Variants in GOLGA7 observed in about 807,000 individuals in gnomAD.
GOLGA7 encodes golgin subfamily A member 7.
A neutral mutation model predicts 21.1 loss-of-function variants in GOLGA7; 10 were observed. The observed-to-expected ratio is 0.47, with a 90% CI of 0.29 to 0.80. The LOEUF is 0.80. Ranked by LOEUF, GOLGA7 falls within the 30% of genes least tolerant of loss-of-function variation. The pLI, the probability that GOLGA7 is intolerant of heterozygous loss-of-function variation, is 0.08. For missense variants in GOLGA7, 114 were observed against 166.8 expected, an observed-to-expected ratio of 0.68 and a Z score of 1.74; for synonymous variants, 64 against 62.6, an observed-to-expected ratio of 1.02 and a Z score of -0.10.
At chr8:41,509,230 A>G (rs1045890850) in intron 4 of GOLGA7, among the ~76,000 whole-genome samples, 2 of 152,232 alleles carry the variant, frequency 1.3e-5, no homozygotes, top group Non-Finnish European at 2.9e-5. Flanking sequence ...AATCATCACA[A>G]CAACCCTATG....
chr8:41,500,225 C>T (rs1463946037), intron 2 of GOLGA7, among the ~76,000 whole-genome samples: 2 of 152,156 alleles, frequency 1.3e-5, no homozygotes, highest in Non-Finnish European at 2.9e-5. Flanking sequence ...ATGATAAGTG[C>T]CTTGAAGGAA....
Position 41,490,782 on chromosome 8 carries a change from G to A in GOLGA7, c.-73G>A, listed in dbSNP as rs550090303. The A allele has an allele frequency of 1.2e-6, 1 of 806,786 alleles. No homozygotes were observed. The allele number at this position is 806,786 out of a possible 1,614,324, so 50.0% of individuals were successfully genotyped here. ...CGAGGGGCTGGCGGGTCAGAGTCCCGGGTCCAGGCCGGGGCTCTGACTCGC... is the reference window on the plus strand; with the variant it reads ...CGAGGGGCTGGCGGGTCAGAGTCCCAGGTCCAGGCCGGGGCTCTGACTCGC... On this transcript the variant is annotated 5_prime_UTR_variant, in exon 1 of 5. Transcript: ENST00000357743.
At chr8:41,503,378 T>C (rs1806197493) in intron 2 of GOLGA7, among the ~76,000 whole-genome samples, 2 of 132,636 alleles carry the variant, frequency 1.5e-5, no homozygotes, top group Non-Finnish European at 3.1e-5. Context: ...TTCACTCTGA[T>C]GGTAGTTTCT....
intron 1 of GOLGA7, 57 bp from the exon 2 acceptor site, chr8:41,497,452 G>A: frequency 1.1e-6 from 1 of 878,630 alleles, no homozygotes. Context: ...ATGATAGCAT[G>A]CATTAGTTGA....
At chr8:41,494,175 A>G (rs1273929512) in intron 1 of GOLGA7, among the ~76,000 whole-genome samples, 1 of 152,210 alleles carries the variant, frequency 6.6e-6, no homozygotes, top group Non-Finnish European at 1.5e-5. Context: ...AATAACGCAT[A>G]AGAATTAAGT....
At chr8:41,501,053 T>C (rs1806138268) in intron 2 of GOLGA7, among the ~76,000 whole-genome samples, 1 of 152,228 alleles carries the variant, frequency 6.6e-6, no homozygotes. Flanking sequence ...TAGTGAAGTA[T>C]TAAAAGGCTT....
chr8:41,494,048 C>T (rs1805948622), intron 1 of GOLGA7, among the ~76,000 whole-genome samples: 1 of 152,170 alleles, frequency 6.6e-6, no homozygotes, highest in African/African-American at 2.4e-5. Flanking sequence ...AACTTGTTGG[C>T]ATTTACTTTT....
At chr8:41,497,750 C>G (rs1432238758) in intron 2 of GOLGA7, 89 bp downstream of exon 2, 6 of 697,146 alleles carry the variant, frequency 8.6e-6, no homozygotes, top group Non-Finnish European at 1.3e-5. Flanking sequence ...GTGATAGTTG[C>G]CGTAAAATAT....
chr8:41,498,145 G>GA (rs1806065074), intron 2 of GOLGA7, among the ~76,000 whole-genome samples: 1 of 152,126 alleles, frequency 6.6e-6, no homozygotes, highest in Non-Finnish European at 1.5e-5. Flanking sequence ...GAAGAAGAGG[G>GA]AAAAATTAAT....
chr8:41,501,201 G>A (rs780381967), intron 2 of GOLGA7, among the ~76,000 whole-genome samples: 3 of 151,980 alleles, frequency 2.0e-5, no homozygotes, highest in Admixed American at 6.6e-5. Context: ...ATGAGATCTT[G>A]GACAAATTAA....
At position 41,497,577 on chromosome 8, in the gene GOLGA7, C is replaced by G; in HGVS notation, c.180C>G (p.Leu60=). 2 of 1,587,020 alleles carry G rather than the reference C, an allele frequency of 1.3e-6. No homozygotes were observed. The highest frequency in any genetic ancestry group is 1.7e-6 in the Non-Finnish European group (2 of 1,155,618). ...LNNLYAEAEK[L]GGQSYLEGCL... is the part of the protein sequence containing the mutation. ...ACCTTTATGCAGAAGCAGAGAAGCT[C>G]GGCGGCCAGTCATATCTCGAAGGTT... Residue 60 remains leucine, a synonymous_variant, in exon 2 of 5, where the codon CTC becomes CTG. Coordinates refer to ENST00000357743, the MANE Select transcript of GOLGA7 (RefSeq NM_001002296.2).
At chr8:41,499,200 G>A (rs1563417116) in intron 2 of GOLGA7, among the ~76,000 whole-genome samples, 1 of 152,160 alleles carries the variant, frequency 6.6e-6, no homozygotes, top group African/African-American at 2.4e-5. Flanking sequence ...ACCTCTAGGA[G>A]AGCATACAGA....
At chr8:41,497,447 A>C in intron 1 of GOLGA7, 62 bp from the exon 2 acceptor site, 99 of 803,248 alleles carry the variant, frequency 1.2e-4, no homozygotes, top group Non-Finnish European at 1.9e-4. Context: ...AATTAATGAT[A>C]GCATGCATTA....
intron 2 of GOLGA7, among the ~76,000 whole-genome samples, chr8:41,498,227 C>CT (rs1388012109): frequency 1.3e-5 from 2 of 152,200 alleles, no homozygotes; most frequent in Non-Finnish European, 2.9e-5. Context: ...TGCCACTATC[C>CT]TGGGTTATGC....
chr8:41,491,100 C>G, intron 1 of GOLGA7, 135 bp downstream of exon 1: 4 of 637,642 alleles, frequency 6.3e-6, no homozygotes, highest in Non-Finnish European at 1.1e-5. Flanking sequence ...GGGGCCTTGG[C>G]CAAACGTGTA....
chr8:41,499,218 G>A (rs1806091751), intron 2 of GOLGA7, among the ~76,000 whole-genome samples: 1 of 152,168 alleles, frequency 6.6e-6, no homozygotes, highest in Admixed American at 6.5e-5. Flanking sequence ...AGATGGGCAG[G>A]CTGTGGGGCT....
intron 2 of GOLGA7, among the ~76,000 whole-genome samples, chr8:41,499,183 T>A (rs1806090663): frequency 6.6e-6 from 1 of 152,202 alleles, no homozygotes; most frequent in Admixed American, 6.5e-5. Context: ...AGTACCCTGC[T>A]GCTCAAACCT....
chr8:41,504,136 ACAAAAC>A (rs1421295771), intron 2 of GOLGA7, among the ~76,000 whole-genome samples: 99 of 108,752 alleles, frequency 9.1e-4, no homozygotes, highest in African/African-American at 2.8e-3. Context: ...AAAAAAAAAA[ACAAAAC>A]AAAACAAAAA....
chr8:41,496,804 CTTTTTTT>C (rs34657481), intron 1 of GOLGA7, among the ~76,000 whole-genome samples: 2 of 91,656 alleles, frequency 2.2e-5, no homozygotes, highest in Admixed American at 3.2e-4. Flanking sequence ...CAGTTTATTG[CTTTTTTT>C]TTTTTTTTTT....
Sources: gnomAD v4.1 joint callset for allele counts (sites outside exome capture counted in the v4.1 genomes callset) on GRCh38, gnomAD v4.1.1 for gene constraint, MANE v1.5 for transcripts, NCBI Gene and HGNC (gene_info 2026-07-23, HGNC 2026-07-21) for gene names.